Variants in SUN3 observed in about 807,000 individuals in gnomAD.
The protein encoded by SUN3 is SUN domain-containing protein 3.
SUN3 carries 36 observed loss-of-function variants against 48.2 expected under a neutral mutation model. The ratio of observed to expected loss-of-function variants is 0.75; its 90% CI spans 0.57 to 0.99. The LOEUF (loss-of-function observed/expected upper bound fraction) is 0.99. Among genes scored for constraint, SUN3 ranks in the 50% least tolerant of loss-of-function variants. The pLI, the probability that SUN3 is intolerant of heterozygous loss-of-function variation, is 0.00. For missense variants in SUN3, 419 were observed against 433.1 expected (o/e 0.97, Z 0.29); for synonymous variants, 148 against 147.9 (o/e 1.00, Z 0.00).
upstream of SUN3, among the ~76,000 whole-genome samples, chr7:48,031,995 A>G (rs569207122): frequency 3.7e-4 from 56 of 152,362 alleles, no homozygotes; most frequent in Non-Finnish European, 6.8e-4. Flanking sequence ...TAAGTGAAAT[A>G]AACCAGACAC....
rs1420792815 is a variant in SUN3 at position 48,002,448 on chromosome 7, G to A, written c.577+3521C>T. Among the ~76,000 whole-genome samples the A allele has an allele frequency of 2.9e-5, 3 of 102,364 alleles. 1 individual carries two copies. Among genetic ancestry groups the A allele is most frequent in the African/African-American group, 1.7e-4 (3 of 17,396 alleles). The allele number at this position is 102,364 out of a possible 152,430, so 67.2% of individuals were successfully genotyped here. On this transcript the variant is annotated intron_variant, in intron 6 of 9. Coordinates refer to ENST00000297325, the MANE Select transcript of SUN3 (RefSeq NM_001030019.2). ...GCTGGGATTACAGGCGTGAGCCACC[G>A]CGCCCGGCCTTGATTTGCATTTCTC...
chr7:48,010,031 A>T (rs1789640431), intron 3 of SUN3, among the ~76,000 whole-genome samples: 1 of 152,092 alleles, frequency 6.6e-6, no homozygotes, highest in Admixed American at 6.6e-5. Context: ...ACAAGTCATT[A>T]GCCTGGGAGC....
rs747155704 is a variant in SUN3 at position 48,007,341 on chromosome 7, A to G, written c.330-14T>C. On this transcript the variant is annotated splice_polypyrimidine_tract_variant and intron_variant, in intron 4 of 9. Transcript: ENST00000297325. ...TGGCTTTCCTTCCTGTAAAGGGAAA[A>G]TCTCAGCATGAGAGGAAGAAAGTGT... The G allele has an allele frequency of 1.2e-6, 2 of 1,610,810 alleles. No individual in the cohort carries two copies. The highest frequency in any genetic ancestry group is 1.7e-6 in the Non-Finnish European group (2 of 1,178,112).
At position 47,996,071 on chromosome 7, in the gene SUN3, C is replaced by A; in HGVS notation, c.653G>T (p.Gly218Val). 11 of 1,593,398 alleles carry A rather than the reference C, an allele frequency of 6.9e-6. No individual in the cohort carries two copies. Among genetic ancestry groups the A allele is most frequent in the Admixed American group, 1.8e-5 (1 of 55,450 alleles). ...TGGAGGCATTTCATGATTTAGGAAACCTATCCCATGCCAGTACAATTTTGC... is the reference window on the plus strand; with the variant it reads ...TGGAGGCATTTCATGATTTAGGAAAACTATCCCATGCCAGTACAATTTTGC... ...NKAKLYWHGI[G>V]FLNHEMPPDI... Residue 218 changes from glycine to valine, a missense_variant, in exon 7 of 10, where the codon GGT becomes GTT. Coordinates refer to ENST00000297325, the MANE Select transcript of SUN3 (RefSeq NM_001030019.2).
At chr7:48,005,179 CA>C (rs1380369490) in intron 6 of SUN3, among the ~76,000 whole-genome samples, 1 of 152,110 alleles carries the variant, frequency 6.6e-6, no homozygotes, top group East Asian at 1.9e-4. Flanking sequence ...CCAAAACAAA[CA>C]AACAACCAAA....
intron 1 of SUN3, among the ~76,000 whole-genome samples, chr7:48,027,115 T>C (rs1372866003): frequency 6.6e-6 from 1 of 152,192 alleles, no homozygotes; most frequent in Non-Finnish European, 1.5e-5. Flanking sequence ...TCTATCTGTC[T>C]GCCTCCTGTT....
chr7:48,000,723 T>C (rs563364746), intron 6 of SUN3, among the ~76,000 whole-genome samples: 1 of 133,328 alleles, frequency 7.5e-6, no homozygotes, highest in Admixed American at 7.5e-5. Flanking sequence ...AAGAAATCTG[T>C]AATAATGTGT....
Position 47,991,705 on chromosome 7 carries a change from G to A in SUN3, c.861+2610C>T, listed in dbSNP as rs373956751. Among the ~76,000 whole-genome samples, 39 of 152,270 alleles carry A rather than the reference G, an allele frequency of 2.6e-4. No individual in the cohort carries two copies. In the South Asian group the frequency reaches 8.1e-3, roughly 32 times the overall value. On this transcript the variant is annotated intron_variant, in intron 8 of 9. Coordinates refer to ENST00000297325, the MANE Select transcript of SUN3 (RefSeq NM_001030019.2). ...GAGAGAAAGAACACAAACTACTCGG[G>A]CTGTACGTGGACCCAGCAGCGCAGG...
At chr7:48,017,955 G>C (rs1359047910) in intron 2 of SUN3, among the ~76,000 whole-genome samples, 1 of 152,162 alleles carries the variant, frequency 6.6e-6, no homozygotes, top group Non-Finnish European at 1.5e-5. Context: ...GTGGCAGACA[G>C]ACCCAACAGC....
chr7:48,005,513 T>G lies in SUN3; in HGVS notation c.577+456A>C, dbSNP rs142488331. 3.0e-3 allele frequency among the ~76,000 whole-genome samples: 453 copies of G among 152,346 alleles called. 7 individuals are homozygous for G. The highest frequency in any genetic ancestry group is 0.01 in the African/African-American group (422 of 41,570). ...ACTATTATAGGCAGGGCATGGTAGA[T>G]AAGATTAAGGTTAATGATTCATAGC... On this transcript the variant is annotated intron_variant, in intron 6 of 9. Coordinates refer to ENST00000297325, the MANE Select transcript of SUN3 (RefSeq NM_001030019.2).
chr7:48,011,943 A>G (rs118131351), intron 3 of SUN3, among the ~76,000 whole-genome samples: 3,514 of 152,332 alleles, frequency 0.023, 66 homozygotes, highest in Non-Finnish European at 0.031. Context: ...CACAGCAACC[A>G]AATGGGTGGG....
At chr7:48,025,062 T>G (rs1316542015) in intron 2 of SUN3, among the ~76,000 whole-genome samples, 1 of 152,096 alleles carries the variant, frequency 6.6e-6, no homozygotes, top group East Asian at 1.9e-4. Context: ...ATGTATATAC[T>G]TGAAAGAATT....
intron 1 of SUN3, among the ~76,000 whole-genome samples, chr7:48,028,492 A>G (rs1309035462): frequency 3.3e-5 from 5 of 149,602 alleles, no homozygotes; most frequent in African/African-American, 1.2e-4. Context: ...AAAAAAAAAA[A>G]AAAAAAAAAA....
upstream of SUN3, among the ~76,000 whole-genome samples, chr7:48,030,632 T>C (rs1428398988): frequency 1.3e-5 from 2 of 152,250 alleles, no homozygotes; most frequent in African/African-American, 4.8e-5. Context: ...GACTGAATAG[T>C]GTTTCATTGG....
chr7:47,987,814 G>GT, intron 9 of SUN3, among the ~76,000 whole-genome samples: 1 of 152,316 alleles, frequency 6.6e-6, no homozygotes, highest in South Asian at 2.1e-4. Flanking sequence ...GATTACAGGT[G>GT]TAAGCCACCA....
At chr7:48,009,485 C>T (rs189149416) in intron 3 of SUN3, among the ~76,000 whole-genome samples, 8 of 152,036 alleles carry the variant, frequency 5.3e-5, no homozygotes, top group African/African-American at 1.4e-4. Flanking sequence ...GAGCACATGG[C>T]GACGTTAGAG....
the SUN3 span, chr7:48,035,670 T>C: frequency 2.0e-4 from 127 of 637,600 alleles, no homozygotes; most frequent in Non-Finnish European, 3.2e-4. This position sits in a 1 kb window ranked among gnomAD's most constrained non-coding sequence, Gnocchi z 4.0. Context: ...GGGCGCCCAC[T>C]GTGGTCCCGG....
chr7:48,015,344 C>G (rs1176995211), intron 3 of SUN3, among the ~76,000 whole-genome samples: 1 of 152,212 alleles, frequency 6.6e-6, no homozygotes, highest in Non-Finnish European at 1.5e-5. Flanking sequence ...CTCACAGATT[C>G]TCAGCATATG....
intron 3 of SUN3, among the ~76,000 whole-genome samples, chr7:48,012,490 T>C (rs2128778941): frequency 6.6e-6 from 1 of 152,216 alleles, no homozygotes; most frequent in African/African-American, 2.4e-5. Context: ...CAATGATGTG[T>C]TAACACATTT....
Sources: allele counts gnomAD v4.1 joint callset (sites outside exome capture counted in the v4.1 genomes callset), GRCh38; gene constraint gnomAD v4.1.1; non-coding constraint Gnocchi (gnomAD v3.1); transcripts MANE v1.5; gene names NCBI Gene and HGNC (gene_info 2026-07-23, HGNC 2026-07-21).